TBCK: variants seen among roughly 807,000 people sequenced by gnomAD.
TBCK encodes TBC domain-containing protein kinase-like protein.
TBCK carries 99 observed loss-of-function variants against 113.4 expected under a neutral mutation model. The ratio of observed to expected loss-of-function variants is 0.87; its 90% CI spans 0.74 to 1.03. The LOEUF (loss-of-function observed/expected upper bound fraction) is 1.03, where lower values mean the gene tolerates loss of function less well. Among genes scored for constraint, TBCK ranks in the 50% least tolerant of loss-of-function variants. The probability of loss-of-function intolerance (pLI) is 0.00; values close to 1 mark genes in which losing one functional copy is unlikely to be tolerated. For synonymous variants in TBCK, 369 were observed against 370.8 expected (o/e 1.00, Z 0.05); for missense variants, 1,045 against 1,061.3 (o/e 0.98, Z 0.21).
chr4:106,127,008 G>C (rs997852943), intron 23 of TBCK, among the ~76,000 whole-genome samples: 7 of 152,096 alleles, frequency 4.6e-5, no homozygotes, highest in Admixed American at 3.9e-4. Flanking sequence ...AGGAGATCGA[G>C]ACTATTCTGG....
At chr4:106,172,166 A>C (rs1751112029) in intron 22 of TBCK, among the ~76,000 whole-genome samples, 2 of 152,148 alleles carry the variant, frequency 1.3e-5, no homozygotes, top group African/African-American at 4.8e-5. Flanking sequence ...CTCTTGAGTT[A>C]AATGAAGAAA....
intron 21 of TBCK, 29 bp downstream of exon 21, chr4:106,194,689 T>C (rs1249794026): frequency 7.6e-6 from 12 of 1,580,264 alleles, no homozygotes; most frequent in African/African-American, 1.4e-5. Flanking sequence ...TAATACAATA[T>C]CAAAAAAACC....
At chr4:106,131,287 T>G (rs1349222677) in intron 23 of TBCK, among the ~76,000 whole-genome samples, 1 of 152,220 alleles carries the variant, frequency 6.6e-6, no homozygotes, top group African/African-American at 2.4e-5. Context: ...TACCCAGTTT[T>G]GGGTATGTCA....
At position 106,123,203 on chromosome 4, in the gene TBCK, A is replaced by T. The variant is rs1288894294; in HGVS notation, c.2236-6825T>A. Among the ~76,000 whole-genome samples the T allele has an allele frequency of 3.9e-5, 6 of 152,350 alleles. No individual in the cohort carries two copies. In the East Asian group the frequency reaches 1.2e-3, roughly 29 times the overall value. On this transcript the variant is annotated intron_variant, in intron 23 of 25. Transcript: ENST00000394708. ...TCTCAGGATACAAAATCAATGTAGA[A>T]AAATCACAAGCATTCTTATACACCA...
intron 1 of TBCK, among the ~76,000 whole-genome samples, chr4:106,313,804 C>T (rs1267301475): frequency 6.6e-6 from 1 of 152,212 alleles, no homozygotes; most frequent in Admixed American, 6.5e-5. Flanking sequence ...ATCCACCTAC[C>T]TATTCCCCAG....
At chr4:106,194,837 G>A (rs1357160752) in intron 20 of TBCK, 83 bp from the exon 21 acceptor site, 1 of 1,181,012 alleles carries the variant, frequency 8.5e-7, no homozygotes, top group Non-Finnish European at 1.2e-6. Flanking sequence ...AAACTAAATG[G>A]TAAATGTAAG....
chr4:106,128,275 C>T (rs916115582), intron 23 of TBCK, among the ~76,000 whole-genome samples: 1 of 152,110 alleles, frequency 6.6e-6, no homozygotes, highest in Non-Finnish European at 1.5e-5. Context: ...TAGAGCATAC[C>T]AGAAGAACAC....
chr4:106,292,726 T>C (rs190426507), intron 3 of TBCK, among the ~76,000 whole-genome samples: 26 of 152,256 alleles, frequency 1.7e-4, no homozygotes, highest in Non-Finnish European at 3.2e-4. Flanking sequence ...TGAGAGCTGT[T>C]CCAGAGATTT....
chr4:106,180,402 ATACTTT>A (rs1752212824), intron 22 of TBCK, among the ~76,000 whole-genome samples: 1 of 151,098 alleles, frequency 6.6e-6, no homozygotes, highest in Admixed American at 6.6e-5. Flanking sequence ...TCTTTTTATT[ATACTTT>A]AAGTTCTGGG....
chr4:106,150,793 T>C (rs905682923), intron 23 of TBCK, among the ~76,000 whole-genome samples: 7 of 152,092 alleles, frequency 4.6e-5, no homozygotes, highest in Non-Finnish European at 1.5e-5. Flanking sequence ...AGTTGATGAA[T>C]AAGGAACTGT....
chr4:106,198,049 T>C (rs1754463274), intron 20 of TBCK, among the ~76,000 whole-genome samples: 1 of 152,084 alleles, frequency 6.6e-6, no homozygotes, highest in Non-Finnish European at 1.5e-5. Context: ...CACATCAATA[T>C]GTTCCCACTG....
At chr4:106,271,127 C>T (rs1315546775) in intron 3 of TBCK, among the ~76,000 whole-genome samples, 2 of 152,100 alleles carry the variant, frequency 1.3e-5, no homozygotes. Context: ...AACCAGATCA[C>T]CTTGAATTAG....
In TBCK at chr4:106,178,744, T is replaced by C. The variant is rs547044981; in HGVS notation, c.2060-7474A>G. Among the ~76,000 whole-genome samples the C allele has an allele frequency of 3.4e-4, 51 of 152,128 alleles. 1 individual carries two copies. The South Asian group carries it at 0.01, about 31-fold the overall frequency. ...ATTTTTGTTGAGAATTTTTCATCTA[T>C]GTCCATCAGGGATATTGGTATTTAG... On this transcript the variant is annotated intron_variant, in intron 22 of 25. Transcript: ENST00000394708.
intron 23 of TBCK, among the ~76,000 whole-genome samples, chr4:106,120,679 C>G (rs1744216677): frequency 6.6e-6 from 1 of 152,208 alleles, no homozygotes; most frequent in Admixed American, 6.5e-5. Context: ...AGCAGCCTAA[C>G]TGGGAGGCAC....
intron 23 of TBCK, among the ~76,000 whole-genome samples, chr4:106,149,790 AG>A (rs1433466229): frequency 2.0e-5 from 3 of 152,218 alleles, no homozygotes; most frequent in Non-Finnish European, 4.4e-5. Context: ...GCATGATACA[AG>A]GGTACTACCA....
chr4:106,116,183 A>G lies in TBCK; in HGVS notation c.2411+20T>C, dbSNP rs541326369. 2.9e-5 allele frequency: 47 copies of G among 1,611,670 alleles called. No homozygotes were observed. The African/African-American group carries it at 5.7e-4, about 20-fold the overall frequency. ...CAAATAAGCAGTACCACCCTTTAAAACAGCATATGCAAAGGATACTCTTCA... is the reference window on the plus strand; with the variant it reads ...CAAATAAGCAGTACCACCCTTTAAAGCAGCATATGCAAAGGATACTCTTCA... On this transcript the variant is annotated intron_variant, in intron 24 of 25. Transcript: ENST00000394708.
chr4:106,115,553 G>C (rs1743382966), intron 24 of TBCK, among the ~76,000 whole-genome samples: 1 of 152,058 alleles, frequency 6.6e-6, no homozygotes, highest in South Asian at 2.1e-4. Flanking sequence ...GATTTTAAAA[G>C]TTGCTCTGTT....
At chr4:106,122,983 T>C (rs1238900046) in intron 23 of TBCK, among the ~76,000 whole-genome samples, 1 of 152,204 alleles carries the variant, frequency 6.6e-6, no homozygotes, top group African/African-American at 2.4e-5. Flanking sequence ...GGATGCCTTC[T>C]CTCACCACTC....
intron 19 of TBCK, among the ~76,000 whole-genome samples, chr4:106,217,804 T>C (rs1757148489): frequency 6.7e-6 from 1 of 150,246 alleles, no homozygotes; most frequent in Non-Finnish European, 1.5e-5. Context: ...CAAGGTAATT[T>C]ATAGATTCAA....
Sources: gnomAD v4.1 joint callset for allele counts (sites outside exome capture counted in the v4.1 genomes callset) on GRCh38, gnomAD v4.1.1 for gene constraint, MANE v1.5 for transcripts, NCBI Gene and HGNC (gene_info 2026-07-23, HGNC 2026-07-21) for gene names.